TBC1D30: variants seen among roughly 807,000 people sequenced by gnomAD.
TBC1D30 encodes the protein TBC1 domain family member 30.
A neutral mutation model predicts 63.2 loss-of-function variants in TBC1D30; 31 were observed. The observed-to-expected ratio is 0.49, with a 90% confidence interval of 0.37 to 0.66. The LOEUF is 0.66. Among genes scored for constraint, TBC1D30 ranks in the 30% least tolerant of loss-of-function variants. The pLI is 0.00. For missense variants in TBC1D30, 810 were observed against 953.6 expected (o/e 0.85, Z 1.98); for synonymous variants, 307 against 361.5 (o/e 0.85, Z 1.71).
At chr12:64,790,980 A>G (rs1043895938) in intron 2 of TBC1D30, among the ~76,000 whole-genome samples, 1 of 152,252 alleles carries the variant, frequency 6.6e-6, no homozygotes, top group South Asian at 2.1e-4. Context: ...AAAAACTTGT[A>G]CAAAAATGTT....
intron 8 of TBC1D30, among the ~76,000 whole-genome samples, chr12:64,863,555 G>A (rs7973828): frequency 0.043 from 6,521 of 152,304 alleles, 457 homozygotes; most frequent in African/African-American, 0.15. Context: ...GAATTGAAGA[G>A]AAGGAATTTT....
At chr12:64,864,605 A>C (rs1878058434) in intron 8 of TBC1D30, 63 bp from the exon 9 acceptor site, 1 of 1,120,256 alleles carries the variant, frequency 8.9e-7, no homozygotes, top group Admixed American at 2.0e-5. Context: ...ATGTCTTTCC[A>C]GGATTGATAA....
Position 64,828,512 on chromosome 12 carries a change from A to T in TBC1D30, c.282+3A>T. ...TACCAAAGGAATGGAGGAGAAAGGT[A>T]AGGAGGACTCATAGGGCTAGAATAC... is the stretch of plus-strand genomic sequence containing the variant. On this transcript the variant is annotated splice_donor_region_variant and intron_variant, in intron 3 of 11. Transcript: ENST00000539867. 6.5e-7 allele frequency: 1 copy of T among 1,532,904 alleles called. No homozygotes were observed. Among genetic ancestry groups the T allele is most frequent in the East Asian group, 2.4e-5 (1 of 40,912 alleles). 95.0% of individuals were successfully genotyped at this position (1,532,904 alleles called of 1,614,324 possible).
intron 8 of TBC1D30, among the ~76,000 whole-genome samples, chr12:64,864,038 G>T (rs1199688877): frequency 2.0e-5 from 3 of 151,728 alleles, no homozygotes; most frequent in African/African-American, 7.3e-5. Flanking sequence ...GGAAGCACAG[G>T]TGCTTTTCCC....
chr12:64,875,863 G>T lies in TBC1D30; in HGVS notation c.*75G>T. Reference sequence around the variant, plus strand: ...GGGTTGCAGCTGAATGGCTCTAAAAGAGTTTTATTTGTCCAGTGAAAATGA... The same window carrying T: ...GGGTTGCAGCTGAATGGCTCTAAAATAGTTTTATTTGTCCAGTGAAAATGA... On this transcript the variant is annotated 3_prime_UTR_variant, in exon 12 of 12. Transcript: ENST00000539867. The T allele has an allele frequency of 7.2e-7, 1 of 1,386,908 alleles. No homozygotes were observed. Among genetic ancestry groups the T allele is most frequent in the Non-Finnish European group, 9.5e-7 (1 of 1,052,938 alleles). The allele number at this position is 1,386,908 out of a possible 1,614,324, so 85.9% of individuals were successfully genotyped here.
intron 8 of TBC1D30, among the ~76,000 whole-genome samples, chr12:64,845,224 A>G (rs941937510): frequency 6.6e-6 from 1 of 152,156 alleles, no homozygotes; most frequent in Non-Finnish European, 1.5e-5. Flanking sequence ...GTACTAATTT[A>G]CATTCCCACC....
intron 1 of TBC1D30, among the ~76,000 whole-genome samples, chr12:64,769,731 A>G (rs1870839928): frequency 1.3e-5 from 2 of 151,928 alleles, no homozygotes; most frequent in Admixed American, 1.3e-4. Flanking sequence ...CATGTTGGCC[A>G]GGCTGGTCTC....
In TBC1D30 at chr12:64,875,371, C is replaced by A. The variant is rs1878974719; in HGVS notation, c.1869C>A (p.Ser623Arg). ...CAGCGACAGCTGGGAGAGAAGGCAG[C>A]AGCCCTGAAGGCAGTACCAGGAGGA... ...GCTATAGREGSSPEGSTRRTI... is the reference protein window; with the variant it reads ...GCTATAGREGRSPEGSTRRTI... Residue 623 changes from serine to arginine, a missense_variant, in exon 12 of 12, where the codon AGC becomes AGA. Around this residue, in one of 4 missense-constraint regions of TBC1D30, gnomAD observed 450 missense variants for 473.0 expected, o/e 0.95. Coordinates refer to ENST00000539867, the MANE Select transcript of TBC1D30 (RefSeq NM_015279.2). 1 of 1,536,240 alleles carries A rather than the reference C, an allele frequency of 6.5e-7. No homozygotes were observed. Among genetic ancestry groups the A allele is most frequent in the Non-Finnish European group, 8.7e-7 (1 of 1,146,926 alleles).
chr12:64,765,731 C>A (rs1024753192), intron 1 of TBC1D30, among the ~76,000 whole-genome samples: 11 of 150,814 alleles, frequency 7.3e-5, no homozygotes, highest in African/African-American at 2.2e-4. Flanking sequence ...CACAGTGGCA[C>A]ACACTTGTAA....
chr12:64,825,091 C>T, intron 1 of TBC1D30, 58 bp downstream of exon 1: 2 of 1,498,582 alleles, frequency 1.3e-6, no homozygotes, highest in South Asian at 1.3e-5. Flanking sequence ...GCTGCCCGCG[C>T]TTCTGCCTTA....
intron 7 of TBC1D30, among the ~76,000 whole-genome samples, chr12:64,839,644 C>G (rs1040386339): frequency 6.6e-6 from 1 of 152,124 alleles, no homozygotes; most frequent in Non-Finnish European, 1.5e-5. Context: ...TTTTAACTAG[C>G]CTTTGTATTT....
chr12:64,817,263 T>G (rs541236928), intron 2 of TBC1D30, among the ~76,000 whole-genome samples: 24 of 152,314 alleles, frequency 1.6e-4, no homozygotes, highest in African/African-American at 4.6e-4. Flanking sequence ...CAACAAGCAC[T>G]AATCAAAGGA....
At chr12:64,761,284 A>C (rs1377913816) in intron 1 of TBC1D30, among the ~76,000 whole-genome samples, 1 of 152,200 alleles carries the variant, frequency 6.6e-6, no homozygotes, top group Non-Finnish European at 1.5e-5. Flanking sequence ...GTTAGATTAT[A>C]AACTATTTGA....
intron 1 of TBC1D30, among the ~76,000 whole-genome samples, chr12:64,769,955 T>C (rs1317543255): frequency 6.6e-6 from 1 of 152,256 alleles, no homozygotes; most frequent in African/African-American, 2.4e-5. Flanking sequence ...TGTAACATTT[T>C]CTTTGACATT....
intron 2 of TBC1D30, among the ~76,000 whole-genome samples, chr12:64,812,363 AGTT>A (rs1193269171): frequency 6.6e-5 from 10 of 152,338 alleles, no homozygotes; most frequent in Middle Eastern, 3.4e-3. Flanking sequence ...ATATGGCAGT[AGTT>A]GTTATTATTG....
chr12:64,761,419 A>C (rs181744915), intron 1 of TBC1D30, among the ~76,000 whole-genome samples: 1 of 152,238 alleles, frequency 6.6e-6, no homozygotes, highest in South Asian at 2.1e-4. Flanking sequence ...GCTATGCTGC[A>C]TTCCCAGATG....
intron 1 of TBC1D30, among the ~76,000 whole-genome samples, chr12:64,784,589 A>G (rs949675658): frequency 1.3e-5 from 2 of 150,940 alleles, no homozygotes; most frequent in South Asian, 4.3e-4. Context: ...ATCATGCTCT[A>G]GTGACTAATC....
chr12:64,830,931 C>T (rs17100705), intron 4 of TBC1D30, among the ~76,000 whole-genome samples: 4,610 of 152,196 alleles, frequency 0.03, 215 homozygotes, highest in African/African-American at 0.11. Flanking sequence ...ACAGGTGGGG[C>T]CTACTTCCAA....
In TBC1D30 at chr12:64,880,001, A is replaced by T. The variant is rs189661787; in HGVS notation, c.*4213A>T. The T allele has an allele frequency of 6.6e-6, 1 of 152,218 alleles. No individual in the cohort carries two copies. The highest frequency in any genetic ancestry group is 2.4e-5 in the African/African-American group (1 of 41,456). The allele number at this position is 152,218 out of a possible 1,614,324, so 9.4% of individuals were successfully genotyped here. ...CTGAAAACAATATAAACATCTGGGA[A>T]TAGGGGAGATGTTTGGATGAATTAT... is the stretch of plus-strand genomic sequence containing the variant. On this transcript the variant is annotated 3_prime_UTR_variant, in exon 12 of 12. Transcript: ENST00000539867.
Sources: allele counts gnomAD v4.1 joint callset (sites outside exome capture counted in the v4.1 genomes callset), GRCh38; gene constraint gnomAD v4.1.1; regional missense constraint gnomAD v4.1.1; transcripts MANE v1.5; gene names NCBI Gene and HGNC (gene_info 2026-07-23, HGNC 2026-07-21).